Variants in RALGPS2 observed in about 807,000 individuals in gnomAD.
RALGPS2 encodes the protein Ral GEF with PH domain and SH3 binding motif 2, also known as ras-specific guanine nucleotide-releasing factor RalGPS2.
RALGPS2 carries 43 observed loss-of-function variants against 86.8 expected under a neutral mutation model. The ratio of observed to expected loss-of-function variants is 0.50; its 90% CI spans 0.39 to 0.64. The LOEUF is 0.64. RALGPS2 is among the 30% of genes least tolerant of loss of function. The probability of loss-of-function intolerance (pLI) is 0.00; values close to 1 mark genes in which losing one functional copy is unlikely to be tolerated. For missense variants in RALGPS2, 536 were observed against 694.6 expected (o/e 0.77, Z 2.57); for synonymous variants, 243 against 231.3 (o/e 1.05, Z -0.46).
chr1:178,856,016 G>T (rs1201051050), intron 8 of RALGPS2, among the ~76,000 whole-genome samples: 1 of 148,430 alleles, frequency 6.7e-6, no homozygotes, highest in African/African-American at 2.5e-5. Context: ...TTAGAACAAA[G>T]AATGTATAAA....
chr1:178,863,659 A>G (rs1658183539), intron 8 of RALGPS2, among the ~76,000 whole-genome samples: 1 of 152,092 alleles, frequency 6.6e-6, no homozygotes, highest in Non-Finnish European at 1.5e-5. Flanking sequence ...GGAGAGCTAC[A>G]TTCAGGAATC....
chr1:178,756,443 C>T (rs1572291414), intron 1 of RALGPS2, among the ~76,000 whole-genome samples: 1 of 152,052 alleles, frequency 6.6e-6, no homozygotes, highest in Admixed American at 6.6e-5. Flanking sequence ...TTTTTGTTAA[C>T]TTTATACAAG....
chr1:178,784,609 G>T, intron 3 of RALGPS2, 87 bp downstream of exon 3: 1 of 1,006,838 alleles, frequency 9.9e-7, no homozygotes. Context: ...TCCAGCAAAA[G>T]AGACAGCTTT....
intron 8 of RALGPS2, chr1:178,865,265 C>A (rs752868417): frequency 6.2e-7 from 1 of 1,614,096 alleles, no homozygotes; most frequent in South Asian, 1.1e-5. Flanking sequence ...TTCCCTGTAT[C>A]TTGTTGCCAT....
intron 2 of RALGPS2, among the ~76,000 whole-genome samples, chr1:178,784,136 C>A (rs932413248): frequency 3.9e-5 from 6 of 152,078 alleles, no homozygotes; most frequent in Non-Finnish European, 2.9e-5. Flanking sequence ...TAGTTAAAAT[C>A]ATTTATTTCT....
chr1:178,842,749 C>T (rs1421625244), intron 8 of RALGPS2, among the ~76,000 whole-genome samples: 3 of 149,986 alleles, frequency 2.0e-5, no homozygotes, highest in Admixed American at 6.6e-5. Flanking sequence ...TTGCAACCTA[C>T]TCATCTGACA....
At chr1:178,814,511 C>T (rs1368358261) in intron 6 of RALGPS2, among the ~76,000 whole-genome samples, 1 of 152,220 alleles carries the variant, frequency 6.6e-6, no homozygotes, top group African/African-American at 2.4e-5. Flanking sequence ...TCCCAACTCA[C>T]TGCATCCTTG....
chr1:178,852,635 G>A lies in RALGPS2; in HGVS notation c.607+19085G>A, dbSNP rs760452268. The stretch of plus-strand genomic sequence containing the variant: ...TATATATTAGTAGATTCTATTTAAT[G>A]CATAGAAGGTGATGATTCTACAAAG... On this transcript the variant is annotated intron_variant, in intron 8 of 19. Transcript: ENST00000367635. 1.9e-6 allele frequency: 3 copies of A among 1,539,748 alleles called. No individual in the cohort carries two copies. The Admixed American group carries it at 5.6e-5, about 29-fold the overall frequency.
At position 178,779,772 on chromosome 1, in the gene RALGPS2, T is replaced by C. The variant is rs143926491; in HGVS notation, c.57+2951T>C. On this transcript the variant is annotated intron_variant, in intron 2 of 19. Coordinates refer to ENST00000367635, the MANE Select transcript of RALGPS2 (RefSeq NM_152663.5). The stretch of plus-strand genomic sequence containing the variant: ...GTTTGAGACAGAGTTTTGTTCTTGT[T>C]GCCCAGGCTGGAGTGCAGTGGCACG... Among the ~76,000 whole-genome samples, 929 of 152,358 alleles carry C rather than the reference T, an allele frequency of 6.1e-3. 10 individuals carry two copies. Among genetic ancestry groups the C allele is most frequent in the African/African-American group, 0.021 (888 of 41,572 alleles).
chr1:178,885,849 T>C lies in RALGPS2; in HGVS notation c.1041-120T>C, dbSNP rs1046449384. The C allele has an allele frequency of 1.0e-5, 9 of 872,278 alleles. No homozygotes were observed. The African/African-American group carries it at 1.6e-4, about 15-fold the overall frequency. 54.0% of individuals were successfully genotyped at this position (872,278 alleles called of 1,614,324 possible). A position where few individuals can be genotyped will look rare whatever the true frequency, so the allele number is the denominator to read the frequency against. ...CCCTAAACTGTTCATTTGAGGCTTTTATGGTAAGATCTGAGTATGACAGTT... is the reference window on the plus strand; with the variant it reads ...CCCTAAACTGTTCATTTGAGGCTTTCATGGTAAGATCTGAGTATGACAGTT... On this transcript the variant is annotated intron_variant, in intron 12 of 19. Coordinates refer to ENST00000367635, the MANE Select transcript of RALGPS2 (RefSeq NM_152663.5).
At position 178,837,709 on chromosome 1, in the gene RALGPS2, C is replaced by CAAGCAT. The variant is rs1553268702; in HGVS notation, c.607+4159_607+4160insAAGCAT. Among the ~76,000 whole-genome samples the CAAGCAT allele has an allele frequency of 2.5e-3, 374 of 151,950 alleles. 2 individuals are homozygous for CAAGCAT. The highest frequency in any genetic ancestry group is 8.4e-3 in the African/African-American group (349 of 41,474). ...GTGCAGGACAGTGGGTGCAGCCCAC[C>CAAGCAT]GAGCCGAAGCAGGGCGAGGCATCAC... On this transcript the variant is annotated intron_variant, in intron 8 of 19. Coordinates refer to ENST00000367635, the MANE Select transcript of RALGPS2 (RefSeq NM_152663.5).
intron 5 of RALGPS2, among the ~76,000 whole-genome samples, chr1:178,809,162 T>A (rs114649150): frequency 1.3e-5 from 2 of 152,204 alleles, no homozygotes; most frequent in African/African-American, 4.8e-5. Context: ...CAAATTCTTA[T>A]GAAAGAGTTT....
At chr1:178,746,406 A>G (rs969857700) in intron 1 of RALGPS2, among the ~76,000 whole-genome samples, 3 of 152,240 alleles carry the variant, frequency 2.0e-5, no homozygotes, top group African/African-American at 7.2e-5. Context: ...TGGCAGTACA[A>G]TACAAAGTAA....
rs544022008 is a variant in RALGPS2, at chr1:178,872,257, A to G, written c.608-5241A>G. Among the ~76,000 whole-genome samples the G allele has an allele frequency of 3.9e-5, 6 of 152,228 alleles. No homozygotes were observed. In the South Asian group the frequency reaches 1.2e-3, roughly 32 times the overall value. Reference sequence around the variant, plus strand: ...TATTTAAAGTCTGAGCTTATTTTCTACCTCTTTCACAGAATCATTTATTTG... The same window carrying G: ...TATTTAAAGTCTGAGCTTATTTTCTGCCTCTTTCACAGAATCATTTATTTG... On this transcript the variant is annotated intron_variant, in intron 8 of 19. Coordinates refer to ENST00000367635, the MANE Select transcript of RALGPS2 (RefSeq NM_152663.5).
chr1:178,730,573 T>A lies in RALGPS2; in HGVS notation c.-84+5154T>A, dbSNP rs535687087. ...CATCAGGTAATTGACCCTTCAGTTT[T>A]AAAAAAAAAAAATGAAAATTCTTCT... On this transcript the variant is annotated intron_variant, in intron 1 of 19. Transcript: ENST00000367635. 3.7e-3 allele frequency among the ~76,000 whole-genome samples: 553 copies of A among 147,500 alleles called. 3 individuals carry two copies. The highest frequency in any genetic ancestry group is 0.024 in the East Asian group (120 of 5,084).
chr1:178,759,598 G>A (rs1652132340), intron 1 of RALGPS2, among the ~76,000 whole-genome samples: 1 of 149,068 alleles, frequency 6.7e-6, no homozygotes, highest in South Asian at 2.1e-4. Context: ...ATAAATTTTA[G>A]GATTGTTTTT....
intron 16 of RALGPS2, among the ~76,000 whole-genome samples, chr1:178,895,094 A>C (rs1659883841): frequency 6.6e-6 from 1 of 152,074 alleles, no homozygotes; most frequent in Non-Finnish European, 1.5e-5. Context: ...GATTGGTGGA[A>C]CAAAGCTCTT....
At chr1:178,865,485 C>G in intron 8 of RALGPS2, 1 of 1,614,054 alleles carries the variant, frequency 6.2e-7, no homozygotes. Context: ...ACATCTATCT[C>G]CCGCTTCTGC....
intron 19 of RALGPS2, among the ~76,000 whole-genome samples, chr1:178,913,895 C>T (rs1249497871): frequency 2.6e-5 from 4 of 152,168 alleles, no homozygotes; most frequent in East Asian, 1.9e-4. Context: ...AAAACCTCTC[C>T]ATCAGGCTAC....
Sources: gnomAD v4.1 joint callset for allele counts (sites outside exome capture counted in the v4.1 genomes callset) on GRCh38, gnomAD v4.1.1 for gene constraint, MANE v1.5 for transcripts, NCBI Gene and HGNC (gene_info 2026-07-23, HGNC 2026-07-21) for gene names.